The following UGT1A10 variants were observed in gnomAD, a reference collection of about 807,000 sequenced individuals.
UGT1A10 encodes the protein UDP-glucuronosyltransferase 1A10.
A neutral mutation model predicts 45.8 loss-of-function variants in UGT1A10; 49 were observed. That is an observed-to-expected ratio of 1.07 (90% CI 0.85 to 1.36). The LOEUF (loss-of-function observed/expected upper bound fraction) is 1.36, where lower values mean the gene tolerates loss of function less well. UGT1A10 is among the 40% of genes most tolerant of loss of function. UGT1A10 has a pLI of 0.00. For synonymous variants in UGT1A10, 284 were observed against 249.7 expected, an observed-to-expected ratio of 1.14 and a Z score of -1.29; for missense variants, 745 against 668.6, an observed-to-expected ratio of 1.11 and a Z score of -1.26.
intron 1 of UGT1A10, among the ~76,000 whole-genome samples, chr2:233,717,069 ACGTAAC>A (rs1446904870): frequency 6.6e-6 from 1 of 152,152 alleles, no homozygotes. Flanking sequence ...AGTGCCAGAC[ACGTAAC>A]CAGAAATCAG....
chr2:233,711,841 A>G (rs2076200002), intron 1 of UGT1A10, among the ~76,000 whole-genome samples: 1 of 152,206 alleles, frequency 6.6e-6, no homozygotes, highest in Non-Finnish European at 1.5e-5. Flanking sequence ...AGGCGTCAGC[A>G]ATCTTGCCAA....
intron 1 of UGT1A10, among the ~76,000 whole-genome samples, chr2:233,754,115 A>G (rs1254927549): frequency 6.6e-6 from 1 of 152,216 alleles, no homozygotes; most frequent in Non-Finnish European, 1.5e-5. Context: ...CTACATCACG[A>G]GCATTTATGT....
rs765399769 is a variant in UGT1A10, at chr2:233,682,599, C to T, written c.855+45222C>T. 2.5e-6 allele frequency: 4 copies of T among 1,613,876 alleles called. No homozygotes were observed. The South Asian group carries it at 3.3e-5, about 13-fold the overall frequency. On this transcript the variant is annotated intron_variant, in intron 1 of 4. Coordinates refer to ENST00000344644, the MANE Select transcript of UGT1A10 (RefSeq NM_019075.4). ...CACTTGGAGGAACATTTATTTTGCC[C>T]CTATTTTTTCAAAAATGTCTTAGAA...
intron 1 of UGT1A10, among the ~76,000 whole-genome samples, chr2:233,733,533 G>T (rs184573517): frequency 6.6e-6 from 1 of 152,150 alleles, no homozygotes; most frequent in African/African-American, 2.4e-5. Flanking sequence ...GTTTAATTTT[G>T]TTGAAGGCCT....
Position 233,772,815 on chromosome 2 carries a change from G to A in UGT1A10, c.*256G>A. 1 of 1,022,382 alleles carries A rather than the reference G, an allele frequency of 9.8e-7. No homozygotes were observed. The highest frequency in any genetic ancestry group is 1.3e-6 in the Non-Finnish European group (1 of 747,412). 63.3% of individuals were successfully genotyped at this position (1,022,382 alleles called of 1,614,324 possible). On this transcript the variant is annotated 3_prime_UTR_variant, in exon 5 of 5. Transcript: ENST00000344644. Reference sequence around the variant, plus strand: ...ACATGTGCCATTTTTCAGAGGACGTGCAGACAGGCTGGCATTCTAGATTAC... The same window carrying A: ...ACATGTGCCATTTTTCAGAGGACGTACAGACAGGCTGGCATTCTAGATTAC...
chr2:233,742,226 C>T (rs1013770254), intron 1 of UGT1A10, among the ~76,000 whole-genome samples: 6 of 151,818 alleles, frequency 4.0e-5, no homozygotes, highest in Admixed American at 6.5e-5. Flanking sequence ...GGCTGAGAGC[C>T]CCAAACAGAG....
At chr2:233,713,231 T>C in intron 1 of UGT1A10, 1 of 1,614,264 alleles carries the variant, frequency 6.2e-7, no homozygotes, top group South Asian at 1.1e-5. Flanking sequence ...TGACAACGTA[T>C]GCCATTTCAT....
Position 233,767,538 on chromosome 2 carries a change from C to A in UGT1A10, c.988-311C>A, listed in dbSNP as rs1409490941. 5.3e-5 allele frequency among the ~76,000 whole-genome samples: 8 copies of A among 152,212 alleles called. No homozygotes were observed. The East Asian group carries it at 1.5e-3, about 29-fold the overall frequency. On this transcript the variant is annotated intron_variant, in intron 2 of 4. Transcript: ENST00000344644. ...ACTGAATTTATGTCTTACATTTCTGCTCTTATAGTTCTGCATCCACTTGTT... is the reference window on the plus strand; with the variant it reads ...ACTGAATTTATGTCTTACATTTCTGATCTTATAGTTCTGCATCCACTTGTT...
In UGT1A10 at chr2:233,653,376, T is replaced by C. The variant is rs1365458883; in HGVS notation, c.855+15999T>C. On this transcript the variant is annotated intron_variant, in intron 1 of 4. Coordinates refer to ENST00000344644, the MANE Select transcript of UGT1A10 (RefSeq NM_019075.4). ...ATGACCTTCATATAGGTGTATCAAT[T>C]GTGAGAAGATGAATCATATTCTTAA... 1.2e-4 allele frequency among the ~76,000 whole-genome samples: 18 copies of C among 152,168 alleles called. 1 individual carries two copies. The highest frequency in any genetic ancestry group is 1.2e-3 in the Admixed American group (18 of 15,288).
chr2:233,721,801 A>T, intron 1 of UGT1A10: 1 of 514,724 alleles, frequency 1.9e-6, no homozygotes, highest in Non-Finnish European at 3.9e-6. Context: ...AAGCACATGC[A>T]GCAAAAATCC....
intron 1 of UGT1A10, among the ~76,000 whole-genome samples, chr2:233,637,783 A>G (rs951712755): frequency 2.0e-5 from 3 of 152,152 alleles, no homozygotes; most frequent in Non-Finnish European, 2.9e-5. Flanking sequence ...AAGTTCCCAT[A>G]CCTATTTAGT....
In UGT1A10 at chr2:233,752,546, T is replaced by C. The variant is rs530394828; in HGVS notation, c.856-14488T>C. ...TAAAAATTCTTTAAATAAAATGCTC[T>C]TGCTGGGACAACATAGTGGGTCAAC... is the stretch of plus-strand genomic sequence containing the variant. On this transcript the variant is annotated intron_variant, in intron 1 of 4. Coordinates refer to ENST00000344644, the MANE Select transcript of UGT1A10 (RefSeq NM_019075.4). The C allele has an allele frequency of 2.0e-5, 3 of 152,346 alleles. No homozygotes were observed. The East Asian group carries it at 5.8e-4, about 29-fold the overall frequency. The allele number at this position is 152,346 out of a possible 1,614,324, so 9.4% of individuals were successfully genotyped here.
rs777936972 is a variant in UGT1A10, at chr2:233,637,207, G to T, written c.685G>T (p.Glu229Ter). 2.9e-5 allele frequency: 47 copies of T among 1,613,804 alleles called. No homozygotes were observed. The highest frequency in any genetic ancestry group is 8.5e-7 in the Non-Finnish European group (1 of 1,179,872). Reference sequence around the variant, plus strand: ...CCAGTATCTTTTTAGAAATGCCCTAGAAATAGCCTCTGAAATTCTCCAAAC... The same window carrying T: ...CCAGTATCTTTTTAGAAATGCCCTATAAATAGCCTCTGAAATTCTCCAAAC... The part of the protein sequence containing the change: ...FCQYLFRNAL[E>*]IASEILQTPV... Residue 229 changes from glutamate to a stop codon, truncating the protein, a stop_gained, in exon 1 of 5, where the codon GAA (glutamate) becomes TAA (stop). Coordinates refer to ENST00000344644, the MANE Select transcript of UGT1A10 (RefSeq NM_019075.4). LOFTEE classifies it high-confidence loss of function.
chr2:233,637,400 C>G (rs867092927), intron 1 of UGT1A10, 23 bp downstream of exon 1: 1 of 1,588,104 alleles, frequency 6.3e-7, no homozygotes, highest in Middle Eastern at 1.7e-4. Flanking sequence ...TCCTTTAGCA[C>G]ATTAAGAATA....
At chr2:233,661,244 G>C (rs1316437613) in intron 1 of UGT1A10, among the ~76,000 whole-genome samples, 2 of 151,656 alleles carry the variant, frequency 1.3e-5, no homozygotes, top group Non-Finnish European at 2.9e-5. Flanking sequence ...TTTTGGTCTT[G>C]AATTTGTTGA....
intron 1 of UGT1A10, among the ~76,000 whole-genome samples, chr2:233,684,020 A>G (rs1341585097): frequency 6.6e-6 from 1 of 152,206 alleles, no homozygotes; most frequent in Non-Finnish European, 1.5e-5. Context: ...TTCTTGGCAA[A>G]TGCATAGTTG....
chr2:233,766,003 G>A (rs1430572640), intron 1 of UGT1A10, among the ~76,000 whole-genome samples: 1 of 152,074 alleles, frequency 6.6e-6, no homozygotes, highest in Non-Finnish European at 1.5e-5. Flanking sequence ...AGTGGGCGTG[G>A]GTTATGGCCT....
At chr2:233,748,007 C>T (rs1468299644) in intron 1 of UGT1A10, 2 of 1,613,408 alleles carry the variant, frequency 1.2e-6, no homozygotes, top group Admixed American at 1.7e-5. Context: ...TGATGGATTA[C>T]CCCAGGCCGA....
chr2:233,681,996 G>A (rs1178155998), intron 1 of UGT1A10: 3 of 1,614,180 alleles, frequency 1.9e-6, no homozygotes, highest in South Asian at 2.2e-5. Context: ...CTGCTGACCT[G>A]TGGCTTTGCC....
Sources: gnomAD v4.1 joint callset for allele counts (sites outside exome capture counted in the v4.1 genomes callset) on GRCh38, gnomAD v4.1.1 for gene constraint, MANE v1.5 for transcripts, NCBI Gene and HGNC (gene_info 2026-07-23, HGNC 2026-07-21) for gene names.